The following AK9 variants were observed in gnomAD, a reference collection of about 807,000 sequenced individuals.
The protein encoded by AK9 is adenylate kinase 9.
A neutral mutation model predicts 239.6 loss-of-function variants in AK9; 191 were observed. The observed-to-expected ratio is 0.80, with a 90% CI of 0.71 to 0.90. The LOEUF (loss-of-function observed/expected upper bound fraction) is 0.90, where lower values mean the gene tolerates loss of function less well. Ranked by LOEUF, AK9 falls within the 40% of genes least tolerant of loss-of-function variation. The probability of loss-of-function intolerance (pLI) is 0.00; values close to 1 mark genes in which losing one functional copy is unlikely to be tolerated. For synonymous variants in AK9, 689 were observed against 721.0 expected (o/e 0.96, Z 0.71); for missense variants, 1,995 against 2,214.7 (o/e 0.90, Z 1.99).
chr6:109,583,700 T>TA (rs1789136455), intron 19 of AK9, among the ~76,000 whole-genome samples: 1 of 152,102 alleles, frequency 6.6e-6, no homozygotes, highest in South Asian at 2.1e-4. Context: ...AAAAATAACT[T>TA]AGAGAATTCC....
intron 27 of AK9, among the ~76,000 whole-genome samples, chr6:109,537,800 TTG>T (rs1782239775): frequency 6.6e-6 from 1 of 152,140 alleles, no homozygotes; most frequent in Non-Finnish European, 1.5e-5. Context: ...TTCTGGTATG[TTG>T]TGTCTTTGTT....
At chr6:109,562,234 T>C (rs1413066365) in intron 24 of AK9, among the ~76,000 whole-genome samples, 4 of 152,200 alleles carry the variant, frequency 2.6e-5, no homozygotes, top group Admixed American at 1.3e-4. Flanking sequence ...TTTTCCTCTG[T>C]TGTTTCATTT....
intron 17 of AK9, among the ~76,000 whole-genome samples, chr6:109,595,581 C>T (rs1790910482): frequency 6.6e-6 from 1 of 152,050 alleles, no homozygotes; most frequent in East Asian, 1.9e-4. Context: ...ATTCACAATA[C>T]CCAAGACTTG....
chr6:109,535,730 T>C lies in AK9; in HGVS notation c.3351-2260A>G, dbSNP rs188831923. ...CCTAGGTTTCCTTCTAGGGTTTTTA[T>C]GGTTTTAGGTCTAACATTTAAGTCT... is the stretch of plus-strand genomic sequence containing the variant. On this transcript the variant is annotated intron_variant, in intron 27 of 40. Coordinates refer to ENST00000424296, the MANE Select transcript of AK9 (RefSeq NM_001145128.3). Among the ~76,000 whole-genome samples, 112 of 152,352 alleles carry C rather than the reference T, an allele frequency of 7.4e-4. 1 individual carries two copies. Among genetic ancestry groups the C allele is most frequent in the African/African-American group, 2.5e-3 (102 of 41,590 alleles).
intron 5 of AK9, among the ~76,000 whole-genome samples, chr6:109,667,714 C>T (rs968737195): frequency 6.6e-6 from 1 of 152,194 alleles, no homozygotes; most frequent in African/African-American, 2.4e-5. Context: ...CATCCATGTA[C>T]CTACAAAGGA....
chr6:109,671,959 T>C lies in AK9; in HGVS notation c.291A>G (p.Leu97=). Reference sequence around the variant, plus strand: ...CTGGGGAGTTGAGCTTCTCCAACATTAGCTTTATGACAAGTTCATCTGGAA... The same window carrying C: ...CTGGGGAGTTGAGCTTCTCCAACATCAGCTTTATGACAAGTTCATCTGGAA... ...QSIPDELVIK[L]MLEKLNSPEV... The change falls in exon 5 of 41, where the codon CTA becomes CTG. Residue 97 remains leucine, a synonymous_variant. Coordinates refer to ENST00000424296, the MANE Select transcript of AK9 (RefSeq NM_001145128.3). The C allele has an allele frequency of 6.2e-7, 1 of 1,614,038 alleles. No individual in the cohort carries two copies. Among genetic ancestry groups the C allele is most frequent in the Non-Finnish European group, 8.5e-7 (1 of 1,179,940 alleles).
At chr6:109,556,841 GT>G (rs1415449413) in intron 24 of AK9, among the ~76,000 whole-genome samples, 3 of 151,844 alleles carry the variant, frequency 2.0e-5, no homozygotes, top group African/African-American at 7.3e-5. Flanking sequence ...CTCATGCTGT[GT>G]TTTTCAGCTC....
At chr6:109,498,730 C>T (rs893961617) in intron 36 of AK9, among the ~76,000 whole-genome samples, 2 of 152,258 alleles carry the variant, frequency 1.3e-5, no homozygotes, top group African/African-American at 4.8e-5. Context: ...TCCCCTGGAT[C>T]CTCAGTGGGC....
chr6:109,659,749 T>C (rs1286315049), intron 6 of AK9, among the ~76,000 whole-genome samples: 1 of 152,188 alleles, frequency 6.6e-6, no homozygotes, highest in African/African-American at 2.4e-5. Flanking sequence ...CAGAATTCTA[T>C]GATTAGCTTG....
chr6:109,651,990 T>C (rs1445826845), intron 8 of AK9, among the ~76,000 whole-genome samples: 2 of 152,166 alleles, frequency 1.3e-5, no homozygotes, highest in Non-Finnish European at 2.9e-5. Flanking sequence ...GAGGAGCTGG[T>C]ACCATTCCTT....
chr6:109,683,513 C>T (rs1486728191), intron 1 of AK9, among the ~76,000 whole-genome samples: 1 of 152,042 alleles, frequency 6.6e-6, no homozygotes. Context: ...TTGTCTCAGC[C>T]CAAAATCTCC....
Position 109,659,352 on chromosome 6 carries a change from T to C in AK9, c.506A>G (p.Tyr169Cys), listed in dbSNP as rs766316269. The C allele has an allele frequency of 1.9e-6, 3 of 1,612,384 alleles. No individual in the cohort carries two copies. In the Admixed American group the frequency reaches 5.0e-5, roughly 27 times the overall value. Residue 169 changes from tyrosine (Y) to cysteine (C), a missense_variant, in exon 7 of 41, where the codon TAC becomes TGC. Physicochemically the swap from Tyr to Cys is radical, Grantham distance 194 (BLOSUM62 -2). Coordinates refer to ENST00000424296, the MANE Select transcript of AK9 (RefSeq NM_001145128.3). The stretch of plus-strand genomic sequence containing the variant: ...ATCCCACTGGTCTCTACTGTATATG[T>C]ATCCCGTATTATTGTGCTGTCTTTG... ...SGQRQHNNTG[Y>C]IYSRDQWDPE...
intron 24 of AK9, among the ~76,000 whole-genome samples, chr6:109,560,197 A>G (rs1785569277): frequency 6.6e-6 from 1 of 152,240 alleles, no homozygotes; most frequent in Admixed American, 6.5e-5. Context: ...TCAGCCTATC[A>G]CAATAGAAAA....
At chr6:109,548,406 C>T (rs1298664926) in intron 25 of AK9, among the ~76,000 whole-genome samples, 1 of 152,054 alleles carries the variant, frequency 6.6e-6, no homozygotes, top group Admixed American at 6.6e-5. Flanking sequence ...TATGGTGAAG[C>T]TTGAGAAGAA....
chr6:109,587,720 G>A (rs774394693), intron 17 of AK9, among the ~76,000 whole-genome samples: 3 of 152,180 alleles, frequency 2.0e-5, no homozygotes, highest in African/African-American at 4.8e-5. Flanking sequence ...TTGATTCCGC[G>A]GCATTGTTAT....
intron 17 of AK9, among the ~76,000 whole-genome samples, chr6:109,589,718 A>G (rs552528890): frequency 3.3e-5 from 5 of 152,148 alleles, no homozygotes; most frequent in African/African-American, 1.2e-4. Context: ...TACGGCCTTT[A>G]TTATTTTGAG....
intron 17 of AK9, among the ~76,000 whole-genome samples, chr6:109,600,540 T>C (rs535148872): frequency 2.0e-5 from 3 of 152,170 alleles, no homozygotes; most frequent in South Asian, 4.1e-4. Flanking sequence ...TACAATTCTC[T>C]TTTTTTGTTG....
chr6:109,559,906 T>C (rs1785528406), intron 24 of AK9, among the ~76,000 whole-genome samples: 1 of 152,188 alleles, frequency 6.6e-6, no homozygotes, highest in Admixed American at 6.5e-5. Context: ...TCTGGAGGCC[T>C]CAGGAGAGAA....
Position 109,579,598 on chromosome 6 carries a change from C to T in AK9, c.2143G>A (p.Glu715Lys), listed in dbSNP as rs370294605. The T allele has an allele frequency of 5.3e-4, 820 of 1,551,206 alleles. 1 individual carries two copies. The highest frequency in any genetic ancestry group is 6.7e-4 in the Non-Finnish European group (767 of 1,146,728). ...TCCAGTAGCCTTCGATTTTCTTCTT[C>T]GAGTCTCAATTCCTCTTCTGTGGCT... ...RKATEEELRL[E>K]EENRRLLELM... is the part of the protein sequence containing the mutation. The change falls in exon 20 of 41, where the codon GAA becomes AAA. Residue 715 changes from glutamate to lysine, a missense_variant. By Grantham distance (56) the Glu-to-Lys change is moderately conservative (BLOSUM62 1). Around this residue, in one of 5 missense-constraint regions of AK9, gnomAD observed 1,290 missense variants for 1,392.7 expected, o/e 0.93. Coordinates refer to ENST00000424296, the MANE Select transcript of AK9 (RefSeq NM_001145128.3).
Sources: gnomAD v4.1 joint callset for allele counts (sites outside exome capture counted in the v4.1 genomes callset) on GRCh38, gnomAD v4.1.1 for gene constraint, gnomAD v4.1.1 regional missense constraint, MANE v1.5 for transcripts, NCBI Gene and HGNC (gene_info 2026-07-23, HGNC 2026-07-21) for gene names.